LRRC9: variants seen among roughly 807,000 people sequenced by gnomAD.
The protein encoded by LRRC9 is leucine-rich repeat-containing protein 9.
In LRRC9, 122 loss-of-function variants were observed where a neutral mutation model predicts 63.2. The observed-to-expected ratio is 1.93, with a 90% CI of 1.67 to 2.24. The LOEUF (loss-of-function observed/expected upper bound fraction) is 2.24, where lower values mean the gene tolerates loss of function less well. Ranked by LOEUF, LRRC9 falls within the 30% of genes most tolerant of loss-of-function variation. LRRC9 has a pLI of 0.00. For synonymous variants in LRRC9, 366 were observed against 213.1 expected (o/e 1.72, Z -6.25); for missense variants, 1,071 against 627.7 (o/e 1.71, Z -7.55).
At position 59,981,991 on chromosome 14, in the gene LRRC9, A is replaced by C. The variant is rs1886979150; in HGVS notation, c.2022A>C (p.Pro674=). 27 of 702,698 alleles carry C rather than the reference A, an allele frequency of 3.8e-5. No homozygotes were observed. The East Asian group carries it at 7.0e-4, about 18-fold the overall frequency. 43.5% of individuals were successfully genotyped at this position (702,698 alleles called of 1,614,324 possible). A position where few individuals can be genotyped will look rare whatever the true frequency, so the allele number is the denominator to read the frequency against. The change falls in exon 16 of 32, where the codon CCA becomes CCC. Residue 674 remains proline, a synonymous_variant. Transcript: ENST00000445360. ...TGGAGCCCAGAATCAAGGCCCGACC[A>C]AAACTGATTAGTTTGGATGATAAAA...
rs1024648327 is a variant in LRRC9 at position 60,002,114 on chromosome 14, C to A, written c.2664+14C>A. The A allele has an allele frequency of 1.5e-6, 1 of 689,366 alleles. No individual in the cohort carries two copies. 42.7% of individuals were successfully genotyped at this position (689,366 alleles called of 1,614,324 possible). ...TGCTACTTGAAGGTAAAGGCTAATT[C>A]TATTAAACCTAATATAAAGCTTAAT... On this transcript the variant is annotated intron_variant, in intron 20 of 31. Transcript: ENST00000445360.
chr14:60,026,081 A>C (rs981787579), intron 27 of LRRC9, among the ~76,000 whole-genome samples: 10 of 152,116 alleles, frequency 6.6e-5, no homozygotes, highest in African/African-American at 1.9e-4. Context: ...CTAAAAATAG[A>C]AACTTTTTCT....
downstream of LRRC9, among the ~76,000 whole-genome samples, chr14:60,064,552 T>C (rs1266938433): frequency 2.0e-5 from 3 of 152,248 alleles, no homozygotes; most frequent in Non-Finnish European, 4.4e-5. Context: ...TTTAATCATG[T>C]AATATTTAAA....
In LRRC9 at chr14:59,958,069, T is replaced by C. The variant is rs1566814396; in HGVS notation, c.883-1749T>C. ...CCTGTATGAGGTGTCTGTCGACCCC[T>C]GTTGGGGTATGTCTCCCAGTCAGGA... On this transcript the variant is annotated intron_variant, in intron 8 of 31. Transcript: ENST00000445360. The surrounding 1 kb of genome is among the most constrained non-coding windows in gnomAD (Gnocchi z 4.0). Among the ~76,000 whole-genome samples, 1 of 152,188 alleles carries C rather than the reference T, an allele frequency of 6.6e-6. No homozygotes were observed. The highest frequency in any genetic ancestry group is 1.5e-5 in the Non-Finnish European group (1 of 68,020).
chr14:60,009,894 T>C (rs541302329), intron 23 of LRRC9, among the ~76,000 whole-genome samples: 13 of 152,238 alleles, frequency 8.5e-5, no homozygotes, highest in African/African-American at 2.9e-4. Flanking sequence ...TCTGAAATGA[T>C]CTCCTTTGAC....
chr14:59,949,687 G>C lies in LRRC9; in HGVS notation c.882+4943G>C, dbSNP rs908108680. ...GCTTTGAATGCGTCCCAGAGATTCT[G>C]GTATGTTGTGTCTTTGTTCTCGTTG... On this transcript the variant is annotated intron_variant, in intron 8 of 31. Transcript: ENST00000445360. Among the ~76,000 whole-genome samples, 3 of 151,090 alleles carry C rather than the reference G, an allele frequency of 2.0e-5. No individual in the cohort carries two copies. The South Asian group carries it at 6.3e-4, about 32-fold the overall frequency.
At chr14:59,951,792 G>T (rs1277446221) in intron 8 of LRRC9, among the ~76,000 whole-genome samples, 3 of 152,178 alleles carry the variant, frequency 2.0e-5, no homozygotes, top group African/African-American at 7.2e-5. Flanking sequence ...TGGGGGGTAG[G>T]CCTCCCAGTT....
chr14:60,001,017 T>C (rs1430198518), intron 19 of LRRC9, among the ~76,000 whole-genome samples: 2 of 152,066 alleles, frequency 1.3e-5, no homozygotes, highest in African/African-American at 4.8e-5. Context: ...AAAATGAACA[T>C]TAAAAACACA....
rs984334526 is a variant in LRRC9 at position 59,958,293 on chromosome 14, G to T, written c.883-1525G>T. Among the ~76,000 whole-genome samples, 1 of 152,206 alleles carries T rather than the reference G, an allele frequency of 6.6e-6. No individual in the cohort carries two copies. Among genetic ancestry groups the T allele is most frequent in the African/African-American group, 2.4e-5 (1 of 41,452 alleles). ...TGTCCCAGGGAAGTGGGGTTTTTGT[G>T]TGTAAACCCCTTACTGGGGCTGTTA... On this transcript the variant is annotated intron_variant, in intron 8 of 31. Transcript: ENST00000445360. The surrounding 1 kb of genome is among the most constrained non-coding windows in gnomAD (Gnocchi z 4.0).
In LRRC9 at chr14:60,051,953, T is replaced by C. The variant is rs1893925339; in HGVS notation, c.3991-1112T>C. 6.6e-6 allele frequency among the ~76,000 whole-genome samples: 1 copy of C among 152,180 alleles called. No individual in the cohort carries two copies. Among genetic ancestry groups the C allele is most frequent in the Non-Finnish European group, 1.5e-5 (1 of 68,036 alleles). On this transcript the variant is annotated intron_variant, in intron 29 of 31. Coordinates refer to ENST00000445360, the Ensembl canonical transcript of LRRC9. The surrounding 1 kb of genome is among the most constrained non-coding windows in gnomAD (Gnocchi z 4.7). ...TTCATTTGGCTCTGTGCCACTCCCA[T>C]GTGGGCTGTCACCCCACCCTGCTTT... is the stretch of plus-strand genomic sequence containing the variant.
chr14:59,968,153 A>C (rs1258611063), intron 12 of LRRC9, among the ~76,000 whole-genome samples: 3 of 152,226 alleles, frequency 2.0e-5, no homozygotes, highest in Non-Finnish European at 4.4e-5. Context: ...ACATTATGCT[A>C]GAGAAATAAT....
chr14:59,957,637 A>G (rs1883905850), intron 8 of LRRC9, among the ~76,000 whole-genome samples: 1 of 152,050 alleles, frequency 6.6e-6, no homozygotes, highest in Admixed American at 6.5e-5. Flanking sequence ...CTATTAATTC[A>G]TCAGTCTCAT....
intron 29 of LRRC9, among the ~76,000 whole-genome samples, chr14:60,050,540 T>C (rs563938834): frequency 2.6e-5 from 4 of 152,302 alleles, no homozygotes; most frequent in Admixed American, 6.5e-5. Context: ...AAGTTCGTTA[T>C]TACCCACCTT....
At chr14:60,039,539 G>A (rs1272944789) in intron 29 of LRRC9, among the ~76,000 whole-genome samples, 1 of 152,146 alleles carries the variant, frequency 6.6e-6, no homozygotes, top group Non-Finnish European at 1.5e-5. Flanking sequence ...AGATTTTCTA[G>A]TTTATTTGCA....
intron 29 of LRRC9, among the ~76,000 whole-genome samples, chr14:60,035,884 A>T (rs1050547532): frequency 1.3e-5 from 2 of 152,096 alleles, no homozygotes; most frequent in Non-Finnish European, 2.9e-5. Context: ...ATTGATAGGG[A>T]TTGCACTGAA....
rs1014852362 is a variant in LRRC9, at chr14:59,923,991, A to T, written c.-33-3920A>T. Among the ~76,000 whole-genome samples, 1 of 152,240 alleles carries T rather than the reference A, an allele frequency of 6.6e-6. No homozygotes were observed. The highest frequency in any genetic ancestry group is 2.4e-5 in the African/African-American group (1 of 41,456). ...AAAAAACAGATACTCGTGCAGGAATAGTCAGAGCTAATGAAAAACACAGAC... is the reference window on the plus strand; with the variant it reads ...AAAAAACAGATACTCGTGCAGGAATTGTCAGAGCTAATGAAAAACACAGAC... On this transcript the variant is annotated intron_variant, in intron 1 of 31. Transcript: ENST00000445360. This position sits in a 1 kb window ranked among gnomAD's most constrained non-coding sequence, Gnocchi z 4.2.
chr14:60,051,594 A>C lies in LRRC9; in HGVS notation c.3991-1471A>C, dbSNP rs530751873. On this transcript the variant is annotated intron_variant, in intron 29 of 31. Transcript: ENST00000445360. The surrounding 1 kb of genome is among the most constrained non-coding windows in gnomAD (Gnocchi z 4.7). ...CCTTGGCTGGCTGGAATTCTAAGCCAGTGGGTCTTAACTTATGAGGTGCCA... is the reference window on the plus strand; with the variant it reads ...CCTTGGCTGGCTGGAATTCTAAGCCCGTGGGTCTTAACTTATGAGGTGCCA... Among the ~76,000 whole-genome samples the C allele has an allele frequency of 4.7e-4, 71 of 152,266 alleles. 1 individual carries two copies. The Middle Eastern group carries it at 0.02, about 44-fold the overall frequency.
At chr14:59,946,650 T>A (rs1882444404) in intron 8 of LRRC9, among the ~76,000 whole-genome samples, 2 of 124,230 alleles carry the variant, frequency 1.6e-5, no homozygotes, top group Non-Finnish European at 3.3e-5. Flanking sequence ...GTGCTATCCC[T>A]CCCCCCTCCC....
chr14:60,048,961 A>T (rs1893669378), intron 29 of LRRC9, among the ~76,000 whole-genome samples: 1 of 152,192 alleles, frequency 6.6e-6, no homozygotes, highest in African/African-American at 2.4e-5. Context: ...CATCCCTGTG[A>T]TGCAAGGTTG....
Sources: gnomAD v4.1 joint callset for allele counts (sites outside exome capture counted in the v4.1 genomes callset) on GRCh38, gnomAD v4.1.1 for gene constraint, Gnocchi (gnomAD v3.1) non-coding constraint, MANE v1.5 for transcripts, NCBI Gene and HGNC (gene_info 2026-07-23, HGNC 2026-07-21) for gene names.